GRIP1: variants seen among roughly 807,000 people sequenced by gnomAD.
GRIP1 encodes the protein glutamate receptor interacting protein 1, also known as glutamate receptor-interacting protein 1.
GRIP1 carries 45 observed loss-of-function variants against 129.9 expected under a neutral mutation model. The observed-to-expected ratio is 0.35, with a 90% CI of 0.27 to 0.44. The LOEUF is 0.44. Ranked by LOEUF, GRIP1 falls within the 20% of genes least tolerant of loss-of-function variation. The pLI is 1.00. For missense variants in GRIP1, 1,196 were observed against 1,396.8 expected, an observed-to-expected ratio of 0.86 and a Z score of 2.29; for synonymous variants, 530 against 520.8, an observed-to-expected ratio of 1.02 and a Z score of -0.24.
rs933685751 is a variant in GRIP1 at position 66,361,923 on chromosome 12, G to A, written c.3013-8360C>T. On this transcript the variant is annotated intron_variant, in intron 23 of 24. Coordinates refer to ENST00000359742, the MANE Select transcript of GRIP1 (RefSeq NM_001366722.1). Reference sequence around the variant, plus strand: ...CTCCACCCACCCTCGGGGCCTGTGGGACTGAAGGCCAGGCACACTGTCATT... The same window carrying A: ...CTCCACCCACCCTCGGGGCCTGTGGAACTGAAGGCCAGGCACACTGTCATT... Among the ~76,000 whole-genome samples, 107 of 152,102 alleles carry A rather than the reference G, an allele frequency of 7.0e-4. 1 individual carries two copies. The highest frequency in any genetic ancestry group is 2.6e-3 in the African/African-American group (107 of 41,422).
intron 1 of GRIP1, among the ~76,000 whole-genome samples, chr12:67,055,657 A>G (rs1434126670): frequency 1.3e-5 from 2 of 152,256 alleles, no homozygotes; most frequent in Admixed American, 1.3e-4. Flanking sequence ...AAGAATATAC[A>G]AGTACAAATT....
intron 1 of GRIP1, among the ~76,000 whole-genome samples, chr12:66,961,972 A>C (rs1332537804): frequency 2.0e-5 from 3 of 152,202 alleles, no homozygotes; most frequent in African/African-American, 7.2e-5. Context: ...AAAGTAGCCT[A>C]GTAGTGTAGA....
chr12:66,952,555 C>T (rs1316120860), intron 1 of GRIP1, among the ~76,000 whole-genome samples: 1 of 152,160 alleles, frequency 6.6e-6, no homozygotes, highest in African/African-American at 2.4e-5. Context: ...AACACCACCA[C>T]CAGAATTTGT....
At chr12:66,380,549 A>G (rs919625429) in intron 19 of GRIP1, among the ~76,000 whole-genome samples, 3 of 152,244 alleles carry the variant, frequency 2.0e-5, no homozygotes, top group African/African-American at 7.2e-5. Context: ...CAATTATGTT[A>G]CATAATGGAC....
intron 1 of GRIP1, among the ~76,000 whole-genome samples, chr12:66,827,387 T>TGTGTGAGAGA (rs755458052): frequency 0.015 from 1,606 of 108,200 alleles, 29 homozygotes; most frequent in African/African-American, 0.053. Flanking sequence ...TGTGTGTGTG[T>TGTGTGAGAGA]GAGAGAGAGA....
intron 1 of GRIP1, among the ~76,000 whole-genome samples, chr12:66,797,161 T>C (rs982901432): frequency 6.6e-6 from 1 of 152,222 alleles, no homozygotes; most frequent in Non-Finnish European, 1.5e-5. Flanking sequence ...CCACTAGGCA[T>C]GTTTCCATCT....
chr12:67,051,428 T>C (rs1337825646), intron 1 of GRIP1, among the ~76,000 whole-genome samples: 40 of 152,280 alleles, frequency 2.6e-4, no homozygotes, highest in Non-Finnish European at 1.5e-5. Flanking sequence ...TTCAGTAATG[T>C]GTAGCACCCA....
intron 1 of GRIP1, among the ~76,000 whole-genome samples, chr12:66,733,397 G>C (rs1422069006): frequency 6.6e-6 from 1 of 152,150 alleles, no homozygotes; most frequent in Non-Finnish European, 1.5e-5. Flanking sequence ...GATATGAGTG[G>C]ATGTTTCTGG....
chr12:66,755,537 C>T (rs992145800), intron 1 of GRIP1, among the ~76,000 whole-genome samples: 2 of 152,246 alleles, frequency 1.3e-5, no homozygotes, highest in Non-Finnish European at 2.9e-5. Context: ...AAGTCTTATG[C>T]ACATCTTCAT....
At chr12:66,818,704 T>C (rs975111859) in intron 1 of GRIP1, among the ~76,000 whole-genome samples, 1 of 152,216 alleles carries the variant, frequency 6.6e-6, no homozygotes, top group Non-Finnish European at 1.5e-5. Context: ...CTGCTTTTTG[T>C]TTTTAATTGC....
chr12:66,445,731 C>A (rs2058604293), intron 11 of GRIP1, among the ~76,000 whole-genome samples: 1 of 152,210 alleles, frequency 6.6e-6, no homozygotes, highest in Admixed American at 6.5e-5. Flanking sequence ...TGGCTCCCTA[C>A]TCCTCAAACC....
At chr12:66,426,107 C>T (rs990148347) in intron 14 of GRIP1, among the ~76,000 whole-genome samples, 7 of 152,188 alleles carry the variant, frequency 4.6e-5, no homozygotes, top group Non-Finnish European at 7.3e-5. Context: ...ATTACTGCTT[C>T]GTCCAGTGTT....
intron 9 of GRIP1, among the ~76,000 whole-genome samples, chr12:66,458,676 C>A (rs753766652): frequency 1.7e-4 from 26 of 152,210 alleles, no homozygotes; most frequent in Non-Finnish European, 3.8e-4. Context: ...TGAGCCACTG[C>A]GCCGGGCCTG....
Position 67,003,680 on chromosome 12 carries a change from G to A in GRIP1, c.58+65370C>T, listed in dbSNP as rs576626374. Among the ~76,000 whole-genome samples the A allele has an allele frequency of 2.0e-3, 301 of 151,668 alleles. 1 individual carries two copies. Among genetic ancestry groups the A allele is most frequent in the African/African-American group, 6.8e-3 (282 of 41,386 alleles). On this transcript the variant is annotated intron_variant, in intron 1 of 1. Transcript: ENST00000643019. ...TGCACTCCAGCCTGGGAGACAGAGC[G>A]AGATTCCATCTCCAAATATAAATGA...
chr12:66,742,485 A>G (rs552189962), intron 1 of GRIP1, among the ~76,000 whole-genome samples: 2 of 152,302 alleles, frequency 1.3e-5, no homozygotes, highest in East Asian at 3.9e-4. Context: ...GTGATTATAA[A>G]GTCAAGTAAA....
At chr12:66,618,049 TAATA>T (rs2065119776) in intron 1 of GRIP1, among the ~76,000 whole-genome samples, 2 of 152,152 alleles carry the variant, frequency 1.3e-5, no homozygotes, top group African/African-American at 4.8e-5. Flanking sequence ...CCCATGTACA[TAATA>T]AATATATTCG....
intron 1 of GRIP1, among the ~76,000 whole-genome samples, chr12:66,939,308 C>T (rs1242642740): frequency 6.6e-6 from 1 of 152,042 alleles, no homozygotes; most frequent in African/African-American, 2.4e-5. Flanking sequence ...GATCACATCA[C>T]AGCACACTAA....
chr12:66,404,902 C>A (rs1011851109), intron 16 of GRIP1, among the ~76,000 whole-genome samples: 2 of 152,136 alleles, frequency 1.3e-5, no homozygotes, highest in Admixed American at 6.6e-5. Context: ...AAAGGTGACA[C>A]ACACCAGTAG....
At position 66,596,913 on chromosome 12, in the gene GRIP1, T is replaced by C. The variant is rs751243198; in HGVS notation, c.70A>G (p.Thr24Ala). The C allele has an allele frequency of 1.2e-6, 2 of 1,611,806 alleles. No homozygotes were observed. The highest frequency in any genetic ancestry group is 4.5e-5 in the East Asian group (2 of 44,860). Residue 24 changes from threonine to alanine, a missense_variant, in exon 2 of 25, where the codon ACT (threonine) becomes GCT (alanine). Thr to Ala is a moderately conservative substitution (Grantham distance 58). Transcript: ENST00000359742. Reference sequence around the variant, plus strand: ...GGCTTTGTCTGGCTGGCGGATTTAGTGTAGGGACTCTCATCTGCAAAGGTA... The same window carrying C: ...GGCTTTGTCTGGCTGGCGGATTTAGCGTAGGGACTCTCATCTGCAAAGGTA... ...RRLTKDESPY[T>A]KSASQTKPPD...
Sources: gnomAD v4.1 joint callset for allele counts (sites outside exome capture counted in the v4.1 genomes callset) on GRCh38, gnomAD v4.1.1 for gene constraint, MANE v1.5 for transcripts, NCBI Gene and HGNC (gene_info 2026-07-23, HGNC 2026-07-21) for gene names.